Variants in ITGB2 observed in about 807,000 individuals in gnomAD.
The protein encoded by ITGB2 is integrin beta-2.
In ITGB2, 56 loss-of-function variants were observed where a neutral mutation model predicts 86.8. The ratio of observed to expected loss-of-function variants is 0.65; its 90% CI spans 0.52 to 0.81. The LOEUF is 0.81. Among genes scored for constraint, ITGB2 ranks in the 30% least tolerant of loss-of-function variants. The pLI is 0.00. For missense variants in ITGB2, 948 were observed against 1,061.2 expected (o/e 0.89, Z 1.48); for synonymous variants, 457 against 450.4 (o/e 1.01, Z -0.19).
chr21:44,922,489 C>A (rs1213063015), upstream of ITGB2, among the ~76,000 whole-genome samples: 1 of 151,620 alleles, frequency 6.6e-6, no homozygotes, highest in African/African-American at 2.4e-5. Flanking sequence ...ATTTGGAGAC[C>A]CAGACCCTCA....
chr21:44,917,009 A>G (rs1365295844), intron 1 of ITGB2, among the ~76,000 whole-genome samples: 1 of 152,218 alleles, frequency 6.6e-6, no homozygotes, highest in Non-Finnish European at 1.5e-5. Context: ...CTTCATCTCT[A>G]AAGAGATCTT....
chr21:44,910,543 C>G (rs2146546760), intron 2 of ITGB2, 171 bp from the exon 3 acceptor site: 1 of 1,445,308 alleles, frequency 6.9e-7, no homozygotes, highest in South Asian at 1.2e-5. Context: ...CCTCGGGAAA[C>G]AGCACAGCTA....
chr21:44,894,848 G>A, intron 9 of ITGB2, 123 bp downstream of exon 9: 1 of 756,200 alleles, frequency 1.3e-6, no homozygotes, highest in South Asian at 1.4e-5. Flanking sequence ...GCTGCAGCTG[G>A]CCCACGGGGC....
Position 44,910,788 on chromosome 21 carries a change from G to A in ITGB2, c.-3-3C>T, listed in dbSNP as rs1383861022. The A allele has an allele frequency of 3.1e-6, 5 of 1,612,916 alleles. No homozygotes were observed. Among genetic ancestry groups the A allele is most frequent in the Admixed American group, 1.7e-5 (1 of 59,842 alleles). On this transcript the variant is annotated splice_region_variant and splice_polypyrimidine_tract_variant and intron_variant, in intron 1 of 15. Transcript: ENST00000652462. ...GGGGGGCGCAGGCCCAGCATGTCCT[G>A]TGGAGGGAAGGGGTCTTGGTGACGG...
upstream of ITGB2, among the ~76,000 whole-genome samples, chr21:44,924,335 C>A (rs1298714942): frequency 6.6e-6 from 1 of 152,084 alleles, no homozygotes; most frequent in African/African-American, 2.4e-5. Flanking sequence ...GAGGCTGAGG[C>A]AGGAGAATCA....
At chr21:44,917,618 G>T (rs2084230928) in intron 1 of ITGB2, among the ~76,000 whole-genome samples, 1 of 152,068 alleles carries the variant, frequency 6.6e-6, no homozygotes, top group South Asian at 2.1e-4. Context: ...CCCATCCATG[G>T]GACAGGGGCT....
chr21:44,907,734 G>GT (rs1262547034), intron 3 of ITGB2, among the ~76,000 whole-genome samples: 1 of 152,214 alleles, frequency 6.6e-6, no homozygotes, highest in Non-Finnish European at 1.5e-5. Flanking sequence ...CCAGAAGCGC[G>GT]TGTTTGTGCA....
At position 44,901,461 on chromosome 21, in the gene ITGB2, G is replaced by A. The variant is rs375416956; in HGVS notation, c.741+31C>T. 1.8e-4 allele frequency: 288 copies of A among 1,611,006 alleles called. No homozygotes were observed. The African/African-American group carries it at 2.7e-3, about 15-fold the overall frequency. On this transcript the variant is annotated intron_variant, in intron 6 of 15. Coordinates refer to ENST00000652462, the MANE Select transcript of ITGB2 (RefSeq NM_000211.5). ...ACAGAGCCCCCCACACTGGGGGAACGTGGGGACCCAAGCAGGGGCAGCGGC... is the reference window on the plus strand; with the variant it reads ...ACAGAGCCCCCCACACTGGGGGAACATGGGGACCCAAGCAGGGGCAGCGGC...
In ITGB2 at chr21:44,889,373, C is replaced by T; in HGVS notation, c.1780G>A (p.Gly594Ser). ...TCGCATACGTTGCAGCGGCACCGGC[C>T]ACGACCACTACACTCAACACGCCGC... ...NPRRVECSGR[G>S]RCRCNVCECH... The change falls in exon 13 of 16, where the codon GGC (glycine) becomes AGC (serine). Residue 594 changes from glycine (G) to serine (S), a missense_variant. Gly to Ser is a moderately conservative substitution (Grantham distance 56). Transcript: ENST00000652462. 6.2e-7 allele frequency: 1 copy of T among 1,612,898 alleles called. No individual in the cohort carries two copies. Among genetic ancestry groups the T allele is most frequent in the Non-Finnish European group, 8.5e-7 (1 of 1,179,900 alleles).
chr21:44,897,423 G>A (rs947918806), intron 8 of ITGB2, among the ~76,000 whole-genome samples: 23 of 152,150 alleles, frequency 1.5e-4, no homozygotes, highest in African/African-American at 5.3e-4. Flanking sequence ...GGTTTCCTGC[G>A]TGCCATTTTG....
At chr21:44,897,510 G>A (rs575503542) in intron 8 of ITGB2, among the ~76,000 whole-genome samples, 4 of 152,332 alleles carry the variant, frequency 2.6e-5, no homozygotes, top group Non-Finnish European at 5.9e-5. Context: ...GGCCCTTTAG[G>A]GCGGCTGCTC....
rs549916849 is a variant in ITGB2, at chr21:44,912,322, G to A, written c.-3-1537C>T. Among the ~76,000 whole-genome samples, 3 of 152,220 alleles carry A rather than the reference G, an allele frequency of 2.0e-5. No individual in the cohort carries two copies. In the East Asian group the frequency reaches 5.8e-4, roughly 30 times the overall value. On this transcript the variant is annotated intron_variant, in intron 1 of 15. Transcript: ENST00000652462. ...CGGGTGCCCTCAGCCACAGGCCCTG[G>A]CTCCCCTCCATCCCCCGAAAGCCCT...
Position 44,891,891 on chromosome 21 carries a change from G to T in ITGB2, c.1330C>A (p.Gln444Lys), listed in dbSNP as rs890732892. Residue 444 changes from glutamine (Q) to lysine (K), a missense_variant, in exon 11 of 16, where the codon CAG (glutamine) becomes AAG (lysine). By Grantham distance (53) the Gln-to-Lys change is moderately conservative (BLOSUM62 1). Transcript: ENST00000652462. Reference sequence around the variant, plus strand: ...TGGTCCCGGCACCGGCACTCACACTGGGGAAGAACCTGCACGGTCACTATG... The same window carrying T: ...TGGTCCCGGCACCGGCACTCACACTTGGGAAGAACCTGCACGGTCACTATG... ...TDIVTVQVLP[Q>K]CECRCRDQSR... is the part of the protein sequence containing the mutation. 2 of 1,613,016 alleles carry T rather than the reference G, an allele frequency of 1.2e-6. No individual in the cohort carries two copies. The highest frequency in any genetic ancestry group is 8.5e-7 in the Non-Finnish European group (1 of 1,179,986).
chr21:44,886,410 G>C lies in ITGB2; in HGVS notation c.2268C>G (p.Ser756Arg). ...QWNNDNPLFK[S>R]ATTTVMNPKF... is the part of the protein sequence containing the mutation. ...TGGGGTTCATGACCGTCGTGGTGGC[G>C]CTCTTGAAAAGGGGATTATCCTGGT... Residue 756 changes from serine to arginine, a missense_variant, in exon 16 of 16, where the codon AGC becomes AGG. Transcript: ENST00000652462. The C allele has an allele frequency of 6.2e-7, 1 of 1,614,130 alleles. No homozygotes were observed.
intron 10 of ITGB2, among the ~76,000 whole-genome samples, chr21:44,892,476 C>G (rs568439011): frequency 1.8e-4 from 27 of 151,998 alleles, no homozygotes; most frequent in Non-Finnish European, 3.7e-4. Flanking sequence ...AAAAATTAGC[C>G]GAGCGTGGTG....
chr21:44,891,711 G>A (rs1289966599), intron 11 of ITGB2, 98 bp downstream of exon 11: 5 of 1,366,278 alleles, frequency 3.7e-6, no homozygotes, highest in Non-Finnish European at 5.1e-6. Flanking sequence ...GTGGGGTGGG[G>A]GAAGGGATGG....
At chr21:44,901,443 C>A in intron 6 of ITGB2, 49 bp downstream of exon 6, 1 of 1,602,314 alleles carries the variant, frequency 6.2e-7, no homozygotes, top group Non-Finnish European at 8.5e-7. Flanking sequence ...CTGACAGAGC[C>A]CCCCACACTG....
upstream of ITGB2, among the ~76,000 whole-genome samples, chr21:44,922,110 A>G (rs2146571245): frequency 6.6e-6 from 1 of 152,370 alleles, no homozygotes; most frequent in East Asian, 1.9e-4. Context: ...AAAGTTGGGC[A>G]AAGAAATAAG....
intron 3 of ITGB2, 129 bp from the exon 4 acceptor site, chr21:44,907,224 C>T (rs1453716071): frequency 4.3e-6 from 3 of 690,678 alleles, no homozygotes; most frequent in Non-Finnish European, 2.4e-6. Flanking sequence ...GGACAGAAGT[C>T]CCTGTGGACA....
Sources: gnomAD v4.1 joint callset for allele counts (sites outside exome capture counted in the v4.1 genomes callset) on GRCh38, gnomAD v4.1.1 for gene constraint, MANE v1.5 for transcripts, NCBI Gene and HGNC (gene_info 2026-07-23, HGNC 2026-07-21) for gene names.